The following FAT3 variants were observed in gnomAD, a reference collection of about 807,000 sequenced individuals.
FAT3 encodes FAT atypical cadherin 3.
FAT3 carries 95 observed loss-of-function variants against 310.2 expected under a neutral mutation model. The observed-to-expected ratio is 0.31, with a 90% CI of 0.26 to 0.36. The LOEUF is 0.36. FAT3 is among the 10% of genes least tolerant of loss of function. FAT3 has a pLI of 1.00. For missense variants in FAT3, 5,408 were observed against 5,715.6 expected, an observed-to-expected ratio of 0.95 and a Z score of 1.74; for synonymous variants, 2,314 against 2,192.9, an observed-to-expected ratio of 1.06 and a Z score of -1.54.
rs963824198 is a variant in FAT3, at chr11:92,867,254, G to A, written c.12127+45G>A. On this transcript the variant is annotated intron_variant, in intron 22 of 27. Transcript: ENST00000525166. ...GGGCACTGGCCTGGGGGTTTGAGGGGAGAGTGAATGAACTGCAGGGGGATC... is the reference window on the plus strand; with the variant it reads ...GGGCACTGGCCTGGGGGTTTGAGGGAAGAGTGAATGAACTGCAGGGGGATC... The A allele has an allele frequency of 4.7e-6, 7 of 1,486,682 alleles. No homozygotes were observed. The Admixed American group carries it at 6.3e-5, about 13-fold the overall frequency. 92.1% of individuals were successfully genotyped at this position (1,486,682 alleles called of 1,614,324 possible). A position where few individuals can be genotyped will look rare whatever the true frequency, so the allele number is the denominator to read the frequency against.
chr11:92,774,851 A>G (rs1316475821), intron 7 of FAT3, among the ~76,000 whole-genome samples: 1 of 152,196 alleles, frequency 6.6e-6, no homozygotes, highest in Non-Finnish European at 1.5e-5. Flanking sequence ...ACCTAAGCGC[A>G]TGTGAAAGGG....
intron 3 of FAT3, among the ~76,000 whole-genome samples, chr11:92,642,210 T>A (rs1189396424): frequency 6.6e-6 from 1 of 152,254 alleles, no homozygotes; most frequent in Non-Finnish European, 1.5e-5. Context: ...CTGCCTGGGC[T>A]TTAAGCCTCA....
At chr11:92,518,522 G>T (rs1371850796) in intron 2 of FAT3, among the ~76,000 whole-genome samples, 1 of 152,066 alleles carries the variant, frequency 6.6e-6, no homozygotes, top group Non-Finnish European at 1.5e-5. Flanking sequence ...GGAGTGGGGG[G>T]CTAGGGGAGA....
At chr11:92,319,696 C>G (rs993244836) in intron 1 of FAT3, among the ~76,000 whole-genome samples, 4 of 152,046 alleles carry the variant, frequency 2.6e-5, no homozygotes, top group Non-Finnish European at 5.9e-5. Context: ...GTAATTTTTT[C>G]TTATACAGTT....
At chr11:92,324,960 G>A (rs958163892) in intron 1 of FAT3, among the ~76,000 whole-genome samples, 8 of 152,166 alleles carry the variant, frequency 5.3e-5, no homozygotes, top group African/African-American at 1.9e-4. Flanking sequence ...ATTTGAGGAT[G>A]GATTCTAGCA....
At chr11:92,794,226 G>A (rs1290459511) in intron 9 of FAT3, among the ~76,000 whole-genome samples, 1 of 151,580 alleles carries the variant, frequency 6.6e-6, no homozygotes, top group Non-Finnish European at 1.5e-5. Flanking sequence ...TGTTCTTTGG[G>A]TTCCACAAAT....
intron 4 of FAT3, among the ~76,000 whole-genome samples, chr11:92,709,862 A>G (rs1301955397): frequency 6.6e-6 from 1 of 152,136 alleles, no homozygotes; most frequent in Non-Finnish European, 1.5e-5. Flanking sequence ...TGGAGCCTAA[A>G]AGCAGTTCCT....
At chr11:92,532,507 T>C (rs538030944) in intron 3 of FAT3, among the ~76,000 whole-genome samples, 1 of 152,288 alleles carries the variant, frequency 6.6e-6, no homozygotes, top group Admixed American at 6.5e-5. Context: ...TCCCTCTGAC[T>C]CCAGGTTCTT....
At chr11:92,765,508 T>C (rs1038030123) in intron 6 of FAT3, among the ~76,000 whole-genome samples, 2 of 152,052 alleles carry the variant, frequency 1.3e-5, no homozygotes, top group African/African-American at 4.8e-5. Flanking sequence ...TGCTTCAAGG[T>C]GGCAAGCATG....
chr11:92,385,288 G>C (rs1171816679), intron 2 of FAT3, among the ~76,000 whole-genome samples: 1 of 152,194 alleles, frequency 6.6e-6, no homozygotes, highest in Non-Finnish European at 1.5e-5. Flanking sequence ...AAATGGGCTG[G>C]TGTTTCCAAG....
chr11:92,892,864 C>T lies in FAT3; in HGVS notation c.*1751C>T, dbSNP rs187411797. The T allele has an allele frequency of 2.8e-4, 43 of 152,304 alleles. No homozygotes were observed. The highest frequency in any genetic ancestry group is 1.0e-3 in the African/African-American group (42 of 41,564). 9.4% of individuals were successfully genotyped at this position (152,304 alleles called of 1,614,324 possible). On this transcript the variant is annotated 3_prime_UTR_variant, in exon 28 of 28. Coordinates refer to ENST00000525166, the MANE Select transcript of FAT3 (RefSeq NM_001367949.2). ...CAAAATTAACAGGAGAATCATTCCACTGGAAATATAACAATCCAGTCCTCA... is the reference window on the plus strand; with the variant it reads ...CAAAATTAACAGGAGAATCATTCCATTGGAAATATAACAATCCAGTCCTCA...
At chr11:92,782,665 A>C (rs2136137074) in intron 7 of FAT3, among the ~76,000 whole-genome samples, 1 of 152,364 alleles carries the variant, frequency 6.6e-6, no homozygotes, top group South Asian at 2.1e-4. Context: ...GATAATCTCC[A>C]AAATTCTAAA....
chr11:92,584,692 G>GA (rs1439118200), intron 3 of FAT3, among the ~76,000 whole-genome samples: 4 of 151,788 alleles, frequency 2.6e-5, no homozygotes, highest in African/African-American at 7.3e-5. Context: ...AAGGAGTGGG[G>GA]AATGCATATA....
chr11:92,795,376 G>T (rs1478402214), intron 9 of FAT3, among the ~76,000 whole-genome samples: 3 of 152,020 alleles, frequency 2.0e-5, no homozygotes, highest in African/African-American at 7.2e-5. Flanking sequence ...GAAAAGCACA[G>T]CTTTTATTCA....
chr11:92,537,644 C>T (rs376931031), intron 3 of FAT3, among the ~76,000 whole-genome samples: 1 of 152,172 alleles, frequency 6.6e-6, no homozygotes, highest in East Asian at 1.9e-4. Flanking sequence ...GTGCATGAAG[C>T]AACTGACAGA....
At chr11:92,439,642 A>G (rs1250052468) in intron 2 of FAT3, among the ~76,000 whole-genome samples, 2 of 152,140 alleles carry the variant, frequency 1.3e-5, no homozygotes, top group Non-Finnish European at 2.9e-5. Flanking sequence ...AAGGCCAGGC[A>G]TGGTGGCTTA....
At chr11:92,373,754 A>G (rs1949259462) in intron 2 of FAT3, among the ~76,000 whole-genome samples, 1 of 146,852 alleles carries the variant, frequency 6.8e-6, no homozygotes, top group Admixed American at 7.0e-5. Context: ...CAGTGGAGAT[A>G]TGTATGCACA....
At position 92,296,478 on chromosome 11, in the gene FAT3, C is replaced by G. The variant is rs370448416; in HGVS notation, c.-17-55618C>G. Reference sequence around the variant, plus strand: ...CCAGAAACGTTGGCTGCCATGGTAGCTGCCAGTGTGAGAATCAACCATAGG... The same window carrying G: ...CCAGAAACGTTGGCTGCCATGGTAGGTGCCAGTGTGAGAATCAACCATAGG... On this transcript the variant is annotated intron_variant, in intron 1 of 27. Coordinates refer to ENST00000525166, the MANE Select transcript of FAT3 (RefSeq NM_001367949.2). 9.3e-4 allele frequency among the ~76,000 whole-genome samples: 142 copies of G among 152,198 alleles called. 1 individual carries two copies. The highest frequency in any genetic ancestry group is 3.2e-3 in the African/African-American group (134 of 41,550).
At chr11:92,687,481 TTA>T (rs1204150647) in intron 3 of FAT3, among the ~76,000 whole-genome samples, 1 of 152,192 alleles carries the variant, frequency 6.6e-6, no homozygotes, top group African/African-American at 2.4e-5. Context: ...GCTCATTCCT[TTA>T]TGTTTTCTGA....
Sources: allele counts gnomAD v4.1 joint callset (sites outside exome capture counted in the v4.1 genomes callset), GRCh38; gene constraint gnomAD v4.1.1; transcripts MANE v1.5; gene names NCBI Gene and HGNC (gene_info 2026-07-23, HGNC 2026-07-21).